The following ANKRD11 variants were observed in gnomAD, a reference collection of about 807,000 sequenced individuals.
ANKRD11 encodes the protein ankyrin repeat domain-containing protein 11.
A neutral mutation model predicts 195.7 loss-of-function variants in ANKRD11; 17 were observed. That is an observed-to-expected ratio of 0.09 (90% CI 0.06 to 0.13). ANKRD11 has a LOEUF of 0.13. Among genes scored for constraint, ANKRD11 ranks in the 10% least tolerant of loss-of-function variants. ANKRD11 has a pLI of 1.00. For synonymous variants in ANKRD11, 1,953 were observed against 1,528.1 expected, an observed-to-expected ratio of 1.28 and a Z score of -6.49; for missense variants, 3,735 against 3,566.1, an observed-to-expected ratio of 1.05 and a Z score of -1.21.
intron 2 of ANKRD11, among the ~76,000 whole-genome samples, chr16:89,318,185 C>T (rs186028162): frequency 6.6e-6 from 1 of 152,322 alleles, no homozygotes; most frequent in East Asian, 1.9e-4. Context: ...GTCCTGGTCT[C>T]TTCTGTGGCG....
chr16:89,438,003 C>T lies in ANKRD11; in HGVS notation c.-144-19635G>A, dbSNP rs1224014240. The stretch of plus-strand genomic sequence containing the variant: ...AATATAAGATGAATATACACAAGTC[C>T]ATTGTATTTCTAGACACCAACACCA... On this transcript the variant is annotated intron_variant, in intron 1 of 12. Coordinates refer to ENST00000301030, the MANE Select transcript of ANKRD11 (RefSeq NM_013275.6). Among the ~76,000 whole-genome samples, 2 of 152,146 alleles carry T rather than the reference C, an allele frequency of 1.3e-5. 1 individual carries two copies. The highest frequency in any genetic ancestry group is 2.9e-5 in the Non-Finnish European group (2 of 68,020).
At chr16:89,373,691 A>T (rs2040293589) in intron 2 of ANKRD11, among the ~76,000 whole-genome samples, 2 of 152,238 alleles carry the variant, frequency 1.3e-5, no homozygotes, top group South Asian at 4.1e-4. Flanking sequence ...TGCATAAGGA[A>T]GACCTGCAGA....
At chr16:89,466,210 G>A (rs2056879335) in intron 1 of ANKRD11, among the ~76,000 whole-genome samples, 1 of 151,906 alleles carries the variant, frequency 6.6e-6, no homozygotes, top group Non-Finnish European at 1.5e-5. Context: ...CCTGCTGACA[G>A]TTCAATTCTC....
intron 9 of ANKRD11, among the ~76,000 whole-genome samples, chr16:89,276,211 G>A (rs1013009185): frequency 2.0e-5 from 3 of 152,192 alleles, no homozygotes; most frequent in Non-Finnish European, 4.4e-5. Context: ...ACCAACGCTG[G>A]CGATGCCGGG....
At chr16:89,428,256 T>C (rs1048669352) in intron 1 of ANKRD11, among the ~76,000 whole-genome samples, 1 of 149,862 alleles carries the variant, frequency 6.7e-6, no homozygotes, top group Non-Finnish European at 1.5e-5. Flanking sequence ...CCGGGCACGG[T>C]GGTTCACGCC....
chr16:89,462,424 T>G (rs1237724894), intron 1 of ANKRD11, among the ~76,000 whole-genome samples: 2 of 152,120 alleles, frequency 1.3e-5, no homozygotes, highest in East Asian at 3.9e-4. Context: ...CGCTACAACC[T>G]CCACCTCCCA....
intron 2 of ANKRD11, among the ~76,000 whole-genome samples, chr16:89,374,686 G>A (rs189443366): frequency 6.6e-6 from 1 of 152,176 alleles, no homozygotes; most frequent in Non-Finnish European, 1.5e-5. Context: ...AGAGCATCGG[G>A]AAAAGCACTT....
At chr16:89,352,007 T>G (rs1388684192) in intron 2 of ANKRD11, among the ~76,000 whole-genome samples, 1 of 151,984 alleles carries the variant, frequency 6.6e-6, no homozygotes, top group Non-Finnish European at 1.5e-5. Flanking sequence ...GCCTCCCAGG[T>G]TCAAGCAATT....
intron 1 of ANKRD11, among the ~76,000 whole-genome samples, chr16:89,479,462 ATGTC>A (rs1162297049): frequency 6.6e-6 from 1 of 151,184 alleles, no homozygotes; most frequent in East Asian, 2.0e-4. Context: ...GAGAAACCCC[ATGTC>A]TACTAAAAAT....
chr16:89,268,797 T>G (rs1397757453), intron 12 of ANKRD11, 134 bp from the exon 13 acceptor site: 1 of 1,014,212 alleles, frequency 9.9e-7, no homozygotes, highest in East Asian at 2.6e-5. Flanking sequence ...CAGGCCCAGC[T>G]GTACCCGCTC....
chr16:89,290,988 G>C (rs1421196029), intron 5 of ANKRD11, 25 bp downstream of exon 5: 3 of 1,610,414 alleles, frequency 1.9e-6, no homozygotes, highest in South Asian at 2.2e-5. Context: ...CCCTGCGCCA[G>C]GGACCACCCA....
At position 89,288,871 on chromosome 16, in the gene ANKRD11, C is replaced by T. The variant is rs770571728; in HGVS notation, c.602-201G>A. 6.0e-4 allele frequency: 390 copies of T among 654,906 alleles called. 1 individual carries two copies. The highest frequency in any genetic ancestry group is 9.4e-4 in the Non-Finnish European group (349 of 371,076). 40.6% of individuals were successfully genotyped at this position (654,906 alleles called of 1,614,324 possible). ...TCTTTACTGTGGCACCTCGTTAGCA[C>T]GATCCATATCTAGCTTATTAACCCT... is the stretch of plus-strand genomic sequence containing the variant. On this transcript the variant is annotated intron_variant, in intron 6 of 12. Transcript: ENST00000301030.
In ANKRD11 at chr16:89,284,782, T is replaced by C; in HGVS notation, c.1760A>G (p.Glu587Gly). The C allele has an allele frequency of 6.2e-7, 1 of 1,613,660 alleles. No individual in the cohort carries two copies. ...SDYSSEGSSV[E>G]SLKPVRKRQE... is the part of the protein sequence containing the mutation. ...CCTCTTCCTCACTGGCTTCAGCGAT[T>C]CCACACTGGAGCCCTCAGAGGAGTA... The change falls in exon 9 of 13, where the codon GAA becomes GGA. Residue 587 changes from glutamate to glycine, a missense_variant. By Grantham distance (98) the Glu-to-Gly change is moderately conservative. Transcript: ENST00000301030.
chr16:89,415,258 ATTC>A (rs1441166803), intron 2 of ANKRD11, among the ~76,000 whole-genome samples: 1 of 114,240 alleles, frequency 8.8e-6, no homozygotes, highest in African/African-American at 3.4e-5. Context: ...CTGGCCAGCT[ATTC>A]TTTTTTTTTT....
chr16:89,385,862 G>C (rs1383201275), intron 2 of ANKRD11, among the ~76,000 whole-genome samples: 3 of 152,242 alleles, frequency 2.0e-5, no homozygotes, highest in African/African-American at 7.2e-5. Context: ...GGCTCGCCAA[G>C]AGCTCCATTT....
chr16:89,396,386 A>G (rs1014327237), intron 2 of ANKRD11, among the ~76,000 whole-genome samples: 2 of 152,168 alleles, frequency 1.3e-5, no homozygotes, highest in African/African-American at 4.8e-5. Flanking sequence ...CACTCGCCGC[A>G]AGAGAGACCA....
At chr16:89,455,298 G>A (rs1356481923) in intron 1 of ANKRD11, among the ~76,000 whole-genome samples, 4 of 151,420 alleles carry the variant, frequency 2.6e-5, no homozygotes, top group Non-Finnish European at 5.9e-5. Flanking sequence ...TCCTCAAGCT[G>A]CTTCCCTGGG....
At chr16:89,404,473 T>C (rs1206505572) in intron 2 of ANKRD11, among the ~76,000 whole-genome samples, 2 of 152,178 alleles carry the variant, frequency 1.3e-5, no homozygotes, top group African/African-American at 2.4e-5. Flanking sequence ...AGCCACAAAA[T>C]ATTATTTTGT....
chr16:89,334,143 T>TA (rs2038210120), intron 2 of ANKRD11, among the ~76,000 whole-genome samples: 1 of 80,404 alleles, frequency 1.2e-5, no homozygotes, highest in South Asian at 4.0e-4. Context: ...ACCCTGTGTT[T>TA]TAAAAAAAAA....
Sources: gnomAD v4.1 joint callset for allele counts (sites outside exome capture counted in the v4.1 genomes callset) on GRCh38, gnomAD v4.1.1 for gene constraint, MANE v1.5 for transcripts, NCBI Gene and HGNC (gene_info 2026-07-23, HGNC 2026-07-21) for gene names.